PTGFR: variants seen among roughly 807,000 people sequenced by gnomAD.
PTGFR encodes the protein prostaglandin F receptor.
In PTGFR, 15 loss-of-function variants were observed where a neutral mutation model predicts 26.2. The ratio of observed to expected loss-of-function variants is 0.57; its 90% confidence interval spans 0.38 to 0.88. PTGFR has a LOEUF of 0.88. PTGFR is among the 40% of genes least tolerant of loss of function. PTGFR has a pLI of 0.00. For synonymous variants in PTGFR, 165 were observed against 151.1 expected (o/e 1.09, Z -0.68); for missense variants, 369 against 427.2 (o/e 0.86, Z 1.20).
At chr1:78,506,672 T>C (rs1570277502) in intron 2 of PTGFR, among the ~76,000 whole-genome samples, 1 of 152,214 alleles carries the variant, frequency 6.6e-6, no homozygotes, top group East Asian at 1.9e-4. Flanking sequence ...CTGAGTATAG[T>C]CTAATAAAAT....
At chr1:78,495,194 G>T (rs754747771) in intron 2 of PTGFR, among the ~76,000 whole-genome samples, 2 of 152,216 alleles carry the variant, frequency 1.3e-5, no homozygotes, top group African/African-American at 4.8e-5. Context: ...AACCTTTGGA[G>T]ACCTGATAAT....
chr1:78,515,448 A>G (rs1650070550), intron 2 of PTGFR, among the ~76,000 whole-genome samples: 1 of 152,246 alleles, frequency 6.6e-6, no homozygotes, highest in African/African-American at 2.4e-5. Context: ...TTAAAGTCCA[A>G]TATTTTGTAA....
chr1:78,491,459 G>T (rs947723133), intron 1 of PTGFR, among the ~76,000 whole-genome samples: 1 of 152,214 alleles, frequency 6.6e-6, no homozygotes, highest in Non-Finnish European at 1.5e-5. Flanking sequence ...TGGGTAGAAA[G>T]GGTCTCAGAA....
chr1:78,512,903 C>T (rs1650007292), intron 2 of PTGFR, among the ~76,000 whole-genome samples: 3 of 152,174 alleles, frequency 2.0e-5, no homozygotes, highest in East Asian at 1.9e-4. Context: ...CTTCTCTCTC[C>T]TGCTTTTGCC....
At chr1:78,495,143 G>A (rs1474549795) in intron 2 of PTGFR, among the ~76,000 whole-genome samples, 2 of 152,218 alleles carry the variant, frequency 1.3e-5, no homozygotes, top group African/African-American at 2.4e-5. Context: ...CAGGTCATAA[G>A]AGCTCACCCA....
At chr1:78,518,578 AC>A (rs1650148845) in intron 2 of PTGFR, among the ~76,000 whole-genome samples, 2 of 35,634 alleles carry the variant, frequency 5.6e-5, no homozygotes, top group African/African-American at 2.5e-4. Flanking sequence ...ACACACACAC[AC>A]ACACACACAC....
intron 2 of PTGFR, among the ~76,000 whole-genome samples, chr1:78,513,045 C>T (rs550543768): frequency 1.3e-5 from 2 of 152,282 alleles, no homozygotes; most frequent in South Asian, 4.1e-4. Flanking sequence ...AGCCACTTTT[C>T]TTTATAAATT....
In PTGFR at chr1:78,492,767, G is replaced by A; in HGVS notation, c.24G>A (p.Gln8=). ...CAATGTCCATGAACAATTCCAAACA[G>A]CTAGTGTCTCCTGCAGCTGCGCTTC... MSMNNSK[Q]LVSPAAALLS... The change falls in exon 2 of 3, where the codon CAG becomes CAA. Residue 8 remains glutamine (Q), a synonymous_variant. Transcript: ENST00000370757. The A allele has an allele frequency of 1.2e-6, 2 of 1,613,700 alleles. No individual in the cohort carries two copies. The highest frequency in any genetic ancestry group is 1.7e-6 in the Non-Finnish European group (2 of 1,179,804).
intron 2 of PTGFR, among the ~76,000 whole-genome samples, chr1:78,513,568 T>C (rs868810709): frequency 6.6e-6 from 1 of 152,208 alleles, no homozygotes; most frequent in Non-Finnish European, 1.5e-5. Context: ...CTGGAACTTA[T>C]ATTTAAATGG....
In PTGFR at chr1:78,493,524, T is replaced by G. The variant is rs1442302490; in HGVS notation, c.781T>G (p.Cys261Gly). Residue 261 changes from cysteine to glycine, a missense_variant, in exon 2 of 3, where the codon TGT (cysteine) becomes GGT (glycine). Transcript: ENST00000370757. ...LLAIMCVSCI[C>G]WSPFLVTMAN... ...GGCGATAATGTGTGTCTCCTGTATT[T>G]GTTGGAGCCCATTTCTGGTAAGAGC... 1 of 1,538,364 alleles carries G rather than the reference T, an allele frequency of 6.5e-7. No individual in the cohort carries two copies. Among genetic ancestry groups the G allele is most frequent in the Non-Finnish European group, 8.7e-7 (1 of 1,145,010 alleles).
intron 2 of PTGFR, among the ~76,000 whole-genome samples, chr1:78,510,899 GC>G (rs1251785093): frequency 6.6e-5 from 10 of 152,088 alleles, no homozygotes; most frequent in Non-Finnish European, 1.5e-4. Context: ...GAGACAAAAG[GC>G]CCCACACAAG....
At position 78,536,509 on chromosome 1, in the gene PTGFR, C is replaced by G. The variant is rs1184674141; in HGVS notation, c.902C>G (p.Pro301Arg). 6.2e-7 allele frequency: 1 copy of G among 1,613,054 alleles called. No individual in the cohort carries two copies. Among genetic ancestry groups the G allele is most frequent in the South Asian group, 1.1e-5 (1 of 91,060 alleles). Residue 301 changes from proline (P) to arginine (R), a missense_variant, in exon 3 of 3, where the codon CCT (proline) becomes CGT (arginine). By Grantham distance (103) the Pro-to-Arg change is moderately radical. Coordinates refer to ENST00000370757, the MANE Select transcript of PTGFR (RefSeq NM_000959.4). ...GCAACATGGAATCAAATCTTAGATC[C>G]TTGGGTATATATTCTTCTACGAAAG... is the stretch of plus-strand genomic sequence containing the variant. ...RMATWNQILD[P>R]WVYILLRKAV...
At chr1:78,498,537 A>C (rs556150462) in intron 2 of PTGFR, among the ~76,000 whole-genome samples, 4 of 152,280 alleles carry the variant, frequency 2.6e-5, no homozygotes, top group African/African-American at 9.6e-5. Context: ...CAAATTTAAA[A>C]AATTAACCCA....
intron 2 of PTGFR, among the ~76,000 whole-genome samples, chr1:78,512,062 G>C (rs994174294): frequency 1.3e-5 from 2 of 152,100 alleles, no homozygotes; most frequent in African/African-American, 4.8e-5. Context: ...TCTTCAACCT[G>C]GTCTTCACTG....
chr1:78,495,616 G>A (rs532385341), intron 2 of PTGFR, among the ~76,000 whole-genome samples: 2 of 152,280 alleles, frequency 1.3e-5, no homozygotes, highest in African/African-American at 2.4e-5. Flanking sequence ...GGACAACTGA[G>A]GTAATCACTT....
At chr1:78,506,371 A>G (rs572713783) in intron 2 of PTGFR, among the ~76,000 whole-genome samples, 1 of 152,054 alleles carries the variant, frequency 6.6e-6, no homozygotes, top group African/African-American at 2.4e-5. Flanking sequence ...TGTGTTTAAA[A>G]AAGTTATATT....
intron 2 of PTGFR, among the ~76,000 whole-genome samples, chr1:78,523,988 T>C (rs1448486903): frequency 1.3e-5 from 2 of 152,090 alleles, no homozygotes; most frequent in African/African-American, 2.4e-5. Flanking sequence ...AGTAAAAAAG[T>C]GAAATTTCAG....
intron 2 of PTGFR, among the ~76,000 whole-genome samples, chr1:78,520,758 G>T (rs535099522): frequency 6.6e-6 from 1 of 151,958 alleles, no homozygotes; most frequent in South Asian, 2.1e-4. Context: ...GATCTAGTAC[G>T]CTGTTTTTTA....
In PTGFR at chr1:78,537,531, A is replaced by G. The variant is rs763834464; in HGVS notation, c.*844A>G. ...GATAATGCAAACAAACCGAAGCTAC[A>G]TGCCAATGATAGGTGCAAAGAATAT... On this transcript the variant is annotated 3_prime_UTR_variant, in exon 3 of 3. Transcript: ENST00000370757. The G allele has an allele frequency of 2.6e-5, 4 of 152,158 alleles. No homozygotes were observed. Among genetic ancestry groups the G allele is most frequent in the Non-Finnish European group, 5.9e-5 (4 of 68,028 alleles). The allele number at this position is 152,158 out of a possible 1,614,324, so 9.4% of individuals were successfully genotyped here.
Sources: gnomAD v4.1 joint callset for allele counts (sites outside exome capture counted in the v4.1 genomes callset) on GRCh38, gnomAD v4.1.1 for gene constraint, MANE v1.5 for transcripts, NCBI Gene and HGNC (gene_info 2026-07-23, HGNC 2026-07-21) for gene names.